Variants in STPG2 observed in about 807,000 individuals in gnomAD.
STPG2 encodes sperm-tail PG-rich repeat-containing protein 2.
A neutral mutation model predicts 54.2 loss-of-function variants in STPG2; 56 were observed. The ratio of observed to expected loss-of-function variants is 1.03; its 90% CI spans 0.83 to 1.29. The LOEUF is 1.29. STPG2 is among the 50% of genes most tolerant of loss of function. STPG2 has a pLI of 0.00. For synonymous variants in STPG2, 200 were observed against 181.8 expected (o/e 1.10, Z -0.81); for missense variants, 596 against 544.9 (o/e 1.09, Z -0.93).
At position 97,972,977 on chromosome 4, in the gene STPG2, A is replaced by C. The variant is rs147408656; in HGVS notation, c.773-537T>G. Among the ~76,000 whole-genome samples, 855 of 152,306 alleles carry C rather than the reference A, an allele frequency of 5.6e-3. 12 individuals are homozygous for C. Among genetic ancestry groups the C allele is most frequent in the African/African-American group, 0.019 (803 of 41,566 alleles). ...TGGGTATGTCTTTTTTAGCAGAATG[A>C]AAACAGACTAATACAGTAAATCGGT... On this transcript the variant is annotated intron_variant, in intron 6 of 10. Coordinates refer to ENST00000295268, the MANE Select transcript of STPG2 (RefSeq NM_174952.3).
intron 5 of STPG2, among the ~76,000 whole-genome samples, chr4:97,994,357 A>G (rs1735128368): frequency 6.6e-6 from 1 of 152,036 alleles, no homozygotes; most frequent in African/African-American, 2.4e-5. Flanking sequence ...ATTTTGTTTT[A>G]ATTTGTTGAG....
At chr4:97,958,606 C>T (rs1184536111) in intron 7 of STPG2, among the ~76,000 whole-genome samples, 1 of 152,094 alleles carries the variant, frequency 6.6e-6, no homozygotes, top group African/African-American at 2.4e-5. Context: ...TTATATCAGA[C>T]AAAACAAACT....
At chr4:97,448,557 T>G (rs139529178) in intron 4 of STPG2, among the ~76,000 whole-genome samples, 67 of 152,254 alleles carry the variant, frequency 4.4e-4, no homozygotes, top group African/African-American at 1.5e-3. Flanking sequence ...TCCTCTTCCC[T>G]CTCTCTTTTC....
intron 9 of STPG2, among the ~76,000 whole-genome samples, chr4:97,746,453 C>A (rs1423164482): frequency 1.3e-5 from 2 of 151,194 alleles, no homozygotes; most frequent in Non-Finnish European, 3.0e-5. Context: ...CCAATAATTT[C>A]TCCAATTGAC....
chr4:98,045,277 C>T (rs1182687139), intron 5 of STPG2, among the ~76,000 whole-genome samples: 1 of 152,086 alleles, frequency 6.6e-6, no homozygotes, highest in African/African-American at 2.4e-5. Context: ...CCACTGCACG[C>T]TGGTTTTAGG....
intron 10 of STPG2, among the ~76,000 whole-genome samples, chr4:97,666,547 T>A (rs559984248): frequency 6.6e-6 from 1 of 152,248 alleles, no homozygotes; most frequent in African/African-American, 2.4e-5. Context: ...CTTTTGTTTA[T>A]GAGTTTCAGA....
At chr4:97,688,428 G>A (rs560579326) in intron 10 of STPG2, among the ~76,000 whole-genome samples, 28 of 152,052 alleles carry the variant, frequency 1.8e-4, no homozygotes, top group Non-Finnish European at 3.5e-4. Flanking sequence ...GTACAGTAGC[G>A]CAATCTCGGC....
At chr4:98,020,851 G>A (rs188348887) in intron 5 of STPG2, among the ~76,000 whole-genome samples, 3,340 of 152,196 alleles carry the variant, frequency 0.022, 40 homozygotes, top group Non-Finnish European at 0.028. Context: ...ATTTCTGTGG[G>A]ATTGGTGGTG....
chr4:97,935,958 G>C (rs886200819), intron 8 of STPG2, among the ~76,000 whole-genome samples: 1 of 151,792 alleles, frequency 6.6e-6, no homozygotes, highest in Non-Finnish European at 1.5e-5. Flanking sequence ...TTGATGATCT[G>C]TCTAATGTTT....
intron 5 of STPG2, among the ~76,000 whole-genome samples, chr4:97,991,375 A>ATGTATATATATG (rs1276031628): frequency 1.8e-4 from 27 of 150,464 alleles, no homozygotes; most frequent in Admixed American, 4.0e-4. Context: ...GTATATATAT[A>ATGTATATATATG]TGTATATATA....
chr4:97,492,301 G>T (rs374666296), intron 4 of STPG2, among the ~76,000 whole-genome samples: 13 of 151,400 alleles, frequency 8.6e-5, no homozygotes, highest in African/African-American at 3.1e-4. Context: ...AATTCAATGA[G>T]CCTCTTGCCA....
intron 5 of STPG2, among the ~76,000 whole-genome samples, chr4:98,060,443 C>T (rs10010698): frequency 0.39 from 59,129 of 151,852 alleles, 11,694 homozygotes; most frequent in Middle Eastern, 0.46. Flanking sequence ...AAAAACATCC[C>T]ATGCTCACGG....
At chr4:97,712,100 T>C (rs1724142140) in intron 10 of STPG2, among the ~76,000 whole-genome samples, 1 of 152,192 alleles carries the variant, frequency 6.6e-6, no homozygotes, top group South Asian at 2.1e-4. Context: ...TACAAATCAC[T>C]ATAAAATATT....
chr4:97,900,166 GA>G (rs909480818), intron 8 of STPG2, among the ~76,000 whole-genome samples: 2 of 151,898 alleles, frequency 1.3e-5, no homozygotes, highest in African/African-American at 2.4e-5. Flanking sequence ...AGCATTTGGG[GA>G]AAAAATGCTG....
At chr4:97,939,092 T>C (rs1370498982) in intron 8 of STPG2, among the ~76,000 whole-genome samples, 2 of 152,236 alleles carry the variant, frequency 1.3e-5, no homozygotes, top group Non-Finnish European at 2.9e-5. Context: ...AAGCATGTTG[T>C]TTAATTTCCA....
intron 8 of STPG2, among the ~76,000 whole-genome samples, chr4:97,841,256 G>C (rs2149121985): frequency 6.6e-6 from 1 of 151,702 alleles, no homozygotes; most frequent in East Asian, 1.9e-4. Flanking sequence ...TGAGAGCAAT[G>C]ATTACCTGTT....
chr4:98,135,259 TAATC>T (rs1054313178), intron 1 of STPG2, among the ~76,000 whole-genome samples: 5 of 151,826 alleles, frequency 3.3e-5, no homozygotes, highest in African/African-American at 7.2e-5. Context: ...TGTATGGTGA[TAATC>T]AATATAGTAA....
intron 5 of STPG2, among the ~76,000 whole-genome samples, chr4:98,032,619 C>T (rs188894100): frequency 3.7e-4 from 56 of 152,244 alleles, no homozygotes; most frequent in Non-Finnish European, 6.5e-4. Context: ...GAACTCTCCA[C>T]CCCAAATCAA....
In STPG2 at chr4:97,447,539, CTATGACCCAG is replaced by C. The variant is rs897006051; in HGVS notation, c.463-259716_463-259707del. On this transcript the variant is annotated intron_variant, in intron 4 of 4. Transcript: ENST00000522676. ...CTGTGCAGCCTCAGTATATGGTGTC[CTATGACCCAG>C]ATGCTTCAGCTCCAGCCTTGGCTAA... is the stretch of plus-strand genomic sequence containing the variant. Among the ~76,000 whole-genome samples the C allele has an allele frequency of 1.8e-3, 278 of 152,268 alleles. 1 individual carries two copies. Among genetic ancestry groups the C allele is most frequent in the African/African-American group, 6.4e-3 (266 of 41,570 alleles).
Sources: allele counts gnomAD v4.1 joint callset (sites outside exome capture counted in the v4.1 genomes callset), GRCh38; gene constraint gnomAD v4.1.1; transcripts MANE v1.5; gene names NCBI Gene and HGNC (gene_info 2026-07-23, HGNC 2026-07-21).